Variants in RADX observed in about 807,000 individuals in gnomAD.
The protein encoded by RADX is RPA1 related single stranded DNA binding protein, X-linked, also known as RPA-related protein RADX.
A neutral mutation model predicts 61.6 loss-of-function variants in RADX; 36 were observed. The observed-to-expected ratio is 0.58, with a 90% CI of 0.45 to 0.77. The LOEUF is 0.77. RADX is among the 30% of genes least tolerant of loss of function. The pLI, the probability that RADX is intolerant of heterozygous loss-of-function variation, is 0.00. For synonymous variants in RADX, 272 were observed against 237.9 expected (o/e 1.14, Z -1.32); for missense variants, 497 against 651.1 (o/e 0.76, Z 2.58).
Position 106,648,401 on chromosome X carries a change from G to T in RADX, c.1978+15G>T, listed in dbSNP as rs750375280. On this transcript the variant is annotated intron_variant, in intron 11 of 13. Coordinates refer to ENST00000372548, the MANE Select transcript of RADX (RefSeq NM_018015.6). ...CATCTTCAACCGTATGTTACTATTT[G>T]TTATTATTATTTATGAAAACTTTAT... is the stretch of plus-strand genomic sequence containing the variant. The T allele has an allele frequency of 8.2e-6, 9 of 1,098,309 alleles. No homozygotes were observed. Among genetic ancestry groups the T allele is most frequent in the Non-Finnish European group, 1.1e-5 (9 of 797,427 alleles). The allele number at this position is 1,098,309 out of a possible 1,213,427, so 90.5% of individuals were successfully genotyped here.
rs1928586783 is a variant in RADX, at chrX:106,679,193, C to T, written c.*935C>T. 8.9e-6 allele frequency: 1 copy of T among 111,868 alleles called. No homozygotes were observed. The highest frequency in any genetic ancestry group is 3.2e-5 in the African/African-American group (1 of 30,802). The allele number at this position is 111,868 out of a possible 1,213,427, so 9.2% of individuals were successfully genotyped here. On this transcript the variant is annotated 3_prime_UTR_variant, in exon 14 of 14. Transcript: ENST00000372548. Reference sequence around the variant, plus strand: ...AATGAGTTTATAGATTATTCTGTATCAAGATAAATCTGATTCCAGTTAAGC... The same window carrying T: ...AATGAGTTTATAGATTATTCTGTATTAAGATAAATCTGATTCCAGTTAAGC...
rs1927452555 is a variant in RADX, at chrX:106,639,528, T to G, written c.1575T>G (p.Val525=). 1 of 1,172,050 alleles carries G rather than the reference T, an allele frequency of 8.5e-7. No individual in the cohort carries two copies. Among genetic ancestry groups the G allele is most frequent in the South Asian group, 2.0e-5 (1 of 50,587 alleles). The stretch of plus-strand genomic sequence containing the variant: ...CAATTTTCTTGGACTTTTTTGCAGT[T>G]GAGTCGCTCTTGACAGCTATAAGTG... ...TFSKYSSSIK[V]ESLLTAISEV... is the part of the protein sequence containing the mutation. The change falls in exon 9 of 14, where the codon GTT becomes GTG. Residue 525 remains valine (V), a splice_region_variant and synonymous_variant. Transcript: ENST00000372548.
At chrX:106,672,678 G>A (rs113348807) in intron 13 of RADX, among the ~76,000 whole-genome samples, 12,212 of 111,367 alleles carry the variant, frequency 0.11, 1,655 homozygotes, top group African/African-American at 0.38. Context: ...ATAGTCAGGC[G>A]GTGGCAAAGC....
At chrX:106,646,844 T>A (rs1238657284) in intron 10 of RADX, among the ~76,000 whole-genome samples, 3 of 111,838 alleles carry the variant, frequency 2.7e-5, no homozygotes, top group African/African-American at 9.7e-5. Flanking sequence ...ATTTCATTTT[T>A]ACTTATTTAT....
At chrX:106,678,026 A>G (rs773992915) in intron 13 of RADX, 102 bp from the exon 14 acceptor site, 2 of 478,363 alleles carry the variant, frequency 4.2e-6, no homozygotes, top group African/African-American at 4.7e-5. Flanking sequence ...GATGGGGCAC[A>G]GTGTTAATAT....
intron 12 of RADX, among the ~76,000 whole-genome samples, chrX:106,662,817 C>T (rs1478234194): frequency 1.8e-5 from 2 of 110,345 alleles, no homozygotes; most frequent in Non-Finnish European, 3.8e-5. Context: ...AAAAAACTGC[C>T]CTTGTCTGAT....
rs190324352 is a variant in RADX at position 106,642,252 on chromosome X, C to A, written c.1904+1531C>A. Among the ~76,000 whole-genome samples the A allele has an allele frequency of 8.7e-3, 970 of 110,981 alleles. 5 individuals carry two copies. Among genetic ancestry groups the A allele is most frequent in the Non-Finnish European group, 0.013 (692 of 52,853 alleles). On this transcript the variant is annotated intron_variant, in intron 10 of 13. Transcript: ENST00000372548. The stretch of plus-strand genomic sequence containing the variant: ...CATCAAGCATTTATCCTTTGTATTA[C>A]AATCAAATTACACTCTTTTAGTTAC...
At chrX:106,656,880 C>T (rs984011710) in intron 11 of RADX, among the ~76,000 whole-genome samples, 3 of 111,461 alleles carry the variant, frequency 2.7e-5, no homozygotes, top group African/African-American at 9.8e-5. Context: ...TTCTTAAGGG[C>T]CCCAGGACTT....
At chrX:106,646,495 G>A (rs1927662649) in intron 10 of RADX, among the ~76,000 whole-genome samples, 1 of 111,523 alleles carries the variant, frequency 9.0e-6, no homozygotes, top group Non-Finnish European at 1.9e-5. Flanking sequence ...GGAAGAGACA[G>A]ACTTTTAAAC....
At chrX:106,621,369 G>C (rs913976876) in intron 1 of RADX, among the ~76,000 whole-genome samples, 2 of 111,422 alleles carry the variant, frequency 1.8e-5, no homozygotes. Context: ...ATGTTGACTA[G>C]GTAAAAAATT....
intron 1 of RADX, among the ~76,000 whole-genome samples, chrX:106,614,390 T>A (rs1461635361): frequency 8.9e-6 from 1 of 112,095 alleles, no homozygotes; most frequent in African/African-American, 3.2e-5. Flanking sequence ...ATAATTTCTA[T>A]AATCATGCCC....
At chrX:106,677,029 A>G (rs1385344764) in intron 13 of RADX, among the ~76,000 whole-genome samples, 2 of 112,195 alleles carry the variant, frequency 1.8e-5, no homozygotes, top group Non-Finnish European at 3.8e-5. Flanking sequence ...GCCCAGCTGC[A>G]CTGGCTACTA....
intron 3 of RADX, among the ~76,000 whole-genome samples, chrX:106,630,344 AC>A (rs1335820693): frequency 3.3e-4 from 34 of 104,290 alleles, no homozygotes; most frequent in Middle Eastern, 4.7e-3. Context: ...AAACAAACAA[AC>A]AAAAAAAAAA....
At chrX:106,648,461 C>CAATCTTTTTA in intron 11 of RADX, 75 bp downstream of exon 11, 1 of 693,716 alleles carries the variant, frequency 1.4e-6, no homozygotes, top group South Asian at 2.6e-5. Flanking sequence ...TATTTAATTA[C>CAATCTTTTTA]TAAGCACAAG....
In RADX at chrX:106,615,137, T is replaced by A. The variant is rs774993995; in HGVS notation, c.643+2414T>A. ...GGCAGCAACCCAAACTCTACCGGGGTCTGGAAGGCAGGCCGTACTGCGGAG... is the reference window on the plus strand; with the variant it reads ...GGCAGCAACCCAAACTCTACCGGGGACTGGAAGGCAGGCCGTACTGCGGAG... On this transcript the variant is annotated intron_variant, in intron 1 of 13. Coordinates refer to ENST00000372548, the MANE Select transcript of RADX (RefSeq NM_018015.6). 1.1e-4 allele frequency among the ~76,000 whole-genome samples: 12 copies of A among 111,892 alleles called. No individual in the cohort carries two copies. The Admixed American group carries it at 1.1e-3, about 11-fold the overall frequency.
chrX:106,667,578 G>A (rs1445668290), intron 12 of RADX, among the ~76,000 whole-genome samples: 2 of 110,885 alleles, frequency 1.8e-5, no homozygotes, highest in East Asian at 5.7e-4. Flanking sequence ...ACCCACCTCG[G>A]CCTCCCAAAG....
intron 11 of RADX, among the ~76,000 whole-genome samples, chrX:106,652,011 ATC>A (rs1224931183): frequency 1.9e-5 from 2 of 105,104 alleles, no homozygotes; most frequent in South Asian, 3.9e-4. Flanking sequence ...ATGGGACTCC[ATC>A]TCTCTCTTTT....
chrX:106,636,044 A>G (rs1419435195), intron 6 of RADX, among the ~76,000 whole-genome samples: 1 of 112,272 alleles, frequency 8.9e-6, no homozygotes, highest in Non-Finnish European at 1.9e-5. Flanking sequence ...ATACCAGTCA[A>G]TAATATATAA....
intron 11 of RADX, among the ~76,000 whole-genome samples, chrX:106,657,922 T>C (rs745321362): frequency 6.3e-5 from 7 of 111,622 alleles, no homozygotes; most frequent in Non-Finnish European, 1.1e-4. Flanking sequence ...CATATGCTGT[T>C]TAAAAAATGT....
Sources: gnomAD v4.1 joint callset for allele counts (sites outside exome capture counted in the v4.1 genomes callset) on GRCh38, gnomAD v4.1.1 for gene constraint, MANE v1.5 for transcripts, NCBI Gene and HGNC (gene_info 2026-07-23, HGNC 2026-07-21) for gene names.